Variants in SH3BP5 observed in about 807,000 individuals in gnomAD.
The protein encoded by SH3BP5 is SH3 domain-binding protein 5.
In SH3BP5, 22 loss-of-function variants were observed where a neutral mutation model predicts 43.3. The ratio of observed to expected loss-of-function variants is 0.51; its 90% CI spans 0.36 to 0.73. SH3BP5 has a LOEUF of 0.73. Among genes scored for constraint, SH3BP5 ranks in the 30% least tolerant of loss-of-function variants. SH3BP5 has a pLI of 0.00. For missense variants in SH3BP5, 529 were observed against 586.9 expected (o/e 0.90, Z 1.02); for synonymous variants, 255 against 225.8 (o/e 1.13, Z -1.16).
chr3:15,319,258 T>C (rs1698259735), intron 2 of SH3BP5, among the ~76,000 whole-genome samples: 1 of 152,236 alleles, frequency 6.6e-6, no homozygotes, highest in African/African-American at 2.4e-5. Flanking sequence ...ACTGTCCATC[T>C]TGCCTTTATC....
At chr3:15,291,399 G>A (rs1422863682) in intron 3 of SH3BP5, among the ~76,000 whole-genome samples, 1 of 152,110 alleles carries the variant, frequency 6.6e-6, no homozygotes, top group Admixed American at 6.5e-5. Context: ...AGGGCTGCCA[G>A]ATTTAGCAAA....
At position 15,332,539 on chromosome 3, in the gene SH3BP5, G is replaced by GA; in HGVS notation, c.-132dup. On this transcript the variant is annotated 5_prime_UTR_variant, in exon 1 of 9. Transcript: ENST00000383791. ...GGGAGCCGCCGGGGCCGACACCCGGGAGACGCAGCTCGCCGATGCGGATAC... is the reference window on the plus strand; with the variant it reads ...GGGAGCCGCCGGGGCCGACACCCGGGAAGACGCAGCTCGCCGATGCGGATAC... 1 of 1,243,734 alleles carries GA rather than the reference G, an allele frequency of 8.0e-7. No individual in the cohort carries two copies. Among genetic ancestry groups the GA allele is most frequent in the South Asian group, 3.3e-5 (1 of 30,674 alleles). The allele number at this position is 1,243,734 out of a possible 1,614,324, so 77.0% of individuals were successfully genotyped here.
rs117023398 is a variant in SH3BP5, at chr3:15,329,999, C to A, written c.201+505G>T. On this transcript the variant is annotated intron_variant, in intron 2 of 8. Transcript: ENST00000383791. The stretch of plus-strand genomic sequence containing the variant: ...TTTTTGTTACCATTATAATTATATT[C>A]TATGCACTAGCAGACAATAAAGAAA... Among the ~76,000 whole-genome samples the A allele has an allele frequency of 4.5e-4, 68 of 152,294 alleles. 1 individual carries two copies. In the East Asian group the frequency reaches 0.012, roughly 27 times the overall value.
rs1696181115 is a variant in SH3BP5 at position 15,256,015 on chromosome 3, A to AT, written c.*70dup. 4 of 1,259,920 alleles carry AT rather than the reference A, an allele frequency of 3.2e-6. No individual in the cohort carries two copies. In the South Asian group the frequency reaches 5.4e-5, roughly 17 times the overall value. 78.0% of individuals were successfully genotyped at this position (1,259,920 alleles called of 1,614,324 possible). On this transcript the variant is annotated 3_prime_UTR_variant, in exon 9 of 9. Transcript: ENST00000383791. ...TGTAAGATTTGGCATATATTAAATG[A>AT]TTATTGGCACAATGTTCTCCAGTTC...
intron 4 of SH3BP5, chr3:15,264,279 T>G (rs1696557028): frequency 1.3e-5 from 1 of 79,946 alleles, no homozygotes; most frequent in South Asian, 3.8e-4. Context: ...ATACAAATGG[T>G]TTTTTTTTTT....
At chr3:15,272,564 GAC>G (rs1696837716) in intron 3 of SH3BP5, among the ~76,000 whole-genome samples, 1 of 117,580 alleles carries the variant, frequency 8.5e-6, no homozygotes, top group African/African-American at 5.8e-5. Flanking sequence ...GTAGGATAAA[GAC>G]ATTACAAAAC....
chr3:15,269,535 T>G (rs1696738059), intron 4 of SH3BP5, among the ~76,000 whole-genome samples, 178 bp downstream of exon 4: 1 of 152,188 alleles, frequency 6.6e-6, no homozygotes, highest in South Asian at 2.1e-4. Flanking sequence ...TGTGACTCAT[T>G]CTGGAGCACT....
intron 3 of SH3BP5, among the ~76,000 whole-genome samples, chr3:15,277,202 C>T (rs1696996892): frequency 1.3e-5 from 2 of 152,144 alleles, no homozygotes; most frequent in South Asian, 4.2e-4. Flanking sequence ...GAACTCCTGA[C>T]CTTAGGTGAT....
rs78984649 is a variant in SH3BP5 at position 15,331,506 on chromosome 3, G to A, written c.138+765C>T. On this transcript the variant is annotated intron_variant, in intron 1 of 8. Transcript: ENST00000383791. ...CTGCTTTTTGCTTAGGGGTGAAGAG[G>A]TGAAACTGTCACTCCTAGATCTCGG... is the stretch of plus-strand genomic sequence containing the variant. 9.2e-5 allele frequency among the ~76,000 whole-genome samples: 14 copies of A among 152,290 alleles called. No individual in the cohort carries two copies. In the East Asian group the frequency reaches 2.7e-3, roughly 29 times the overall value.
At chr3:15,292,340 AGGGGG>A (rs907025033) in intron 3 of SH3BP5, among the ~76,000 whole-genome samples, 1 of 152,128 alleles carries the variant, frequency 6.6e-6, no homozygotes, top group African/African-American at 2.4e-5. Flanking sequence ...AGCAGCACCA[AGGGGG>A]GCTCAGCCAT....
chr3:15,339,111 A>C (rs1181960428), intron 1 of SH3BP5, among the ~76,000 whole-genome samples: 3 of 152,218 alleles, frequency 2.0e-5, no homozygotes, highest in African/African-American at 7.2e-5. Context: ...CTAAGAATTC[A>C]AGAGTCTATA....
At chr3:15,323,840 C>G (rs920548654) in intron 2 of SH3BP5, among the ~76,000 whole-genome samples, 3 of 152,204 alleles carry the variant, frequency 2.0e-5, no homozygotes, top group Non-Finnish European at 2.9e-5. Flanking sequence ...GATTCAATGC[C>G]AGGCGGTCTG....
intron 3 of SH3BP5, among the ~76,000 whole-genome samples, chr3:15,296,306 C>T (rs1697567377): frequency 6.6e-6 from 1 of 151,768 alleles, no homozygotes; most frequent in Non-Finnish European, 1.5e-5. Flanking sequence ...AATCCTCCCA[C>T]AGTCTCACTC....
intron 1 of SH3BP5, among the ~76,000 whole-genome samples, chr3:15,340,130 T>C (rs144769410): frequency 5.3e-5 from 8 of 151,946 alleles, no homozygotes; most frequent in African/African-American, 1.7e-4. Flanking sequence ...GTCTAGGAAA[T>C]CTAAGGAAGG....
intron 4 of SH3BP5, among the ~76,000 whole-genome samples, chr3:15,266,160 C>T (rs1696638593): frequency 6.6e-6 from 1 of 152,238 alleles, no homozygotes; most frequent in South Asian, 2.1e-4. Flanking sequence ...TCACTGTCTG[C>T]TGAGAACCTC....
chr3:15,265,512 T>TCTCACTCACTCACACACACACACA (rs1318765546), intron 4 of SH3BP5, among the ~76,000 whole-genome samples: 1 of 107,934 alleles, frequency 9.3e-6, no homozygotes, highest in African/African-American at 4.2e-5. Context: ...CGAGACTCCG[T>TCTCACTCACTCACACACACACACA]CACACACACA....
intron 4 of SH3BP5, among the ~76,000 whole-genome samples, chr3:15,262,627 G>C (rs1326359681): frequency 6.6e-6 from 1 of 150,986 alleles, no homozygotes; most frequent in Non-Finnish European, 1.5e-5. Context: ...CTGCACTCCA[G>C]CCTGGGCGAC....
intron 3 of SH3BP5, among the ~76,000 whole-genome samples, chr3:15,277,451 G>A (rs555717305): frequency 2.8e-4 from 43 of 152,288 alleles, no homozygotes; most frequent in African/African-American, 9.6e-4. Context: ...GACCGCCAAC[G>A]AGGAGCAGAG....
At chr3:15,336,892 A>C (rs1698706147), upstream of SH3BP5, among the ~76,000 whole-genome samples, 1 of 152,016 alleles carries the variant, frequency 6.6e-6, no homozygotes, top group Admixed American at 6.6e-5. Context: ...CATTAAAATC[A>C]CCACACTACA....
Sources: gnomAD v4.1 joint callset for allele counts (sites outside exome capture counted in the v4.1 genomes callset) on GRCh38, gnomAD v4.1.1 for gene constraint, MANE v1.5 for transcripts, NCBI Gene and HGNC (gene_info 2026-07-23, HGNC 2026-07-21) for gene names.